NAGS: variants seen among roughly 807,000 people sequenced by gnomAD.
The protein encoded by NAGS is N-acetylglutamate synthase, mitochondrial.
A neutral mutation model predicts 46.9 loss-of-function variants in NAGS; 34 were observed. That is an observed-to-expected ratio of 0.72 (90% CI 0.55 to 0.97). The LOEUF (loss-of-function observed/expected upper bound fraction) is 0.97. Among genes scored for constraint, NAGS ranks in the 50% least tolerant of loss-of-function variants. NAGS has a pLI of 0.00. For synonymous variants in NAGS, 334 were observed against 346.3 expected, an observed-to-expected ratio of 0.96 and a Z score of 0.39; for missense variants, 665 against 747.0, an observed-to-expected ratio of 0.89 and a Z score of 1.28.
In NAGS at chr17:44,006,111, G is replaced by T; in HGVS notation, c.789G>T (p.Glu263Asp). ...TCCCCATCCTGTGCCCCATCGGGGA[G>T]ACGGCCGCGCGCCGCTCCGTGCTTC... ...GSIPILCPIG[E>D]TAARRSVLLD... The change falls in exon 3 of 7, where the codon GAG becomes GAT. Residue 263 changes from glutamate to aspartate, a missense_variant. Glu to Asp is a conservative substitution (Grantham distance 45, BLOSUM62 2). Coordinates refer to ENST00000293404, the MANE Select transcript of NAGS (RefSeq NM_153006.3). The surrounding 1 kb of genome is among the most constrained non-coding windows in gnomAD (Gnocchi z 4.8). 1 of 1,613,030 alleles carries T rather than the reference G, an allele frequency of 6.2e-7. No individual in the cohort carries two copies. The highest frequency in any genetic ancestry group is 8.5e-7 in the Non-Finnish European group (1 of 1,179,870).
rs2049111086 is a variant in NAGS at position 44,007,574 on chromosome 17, C to T, written c.1269-17C>T. On this transcript the variant is annotated splice_polypyrimidine_tract_variant and intron_variant, in intron 5 of 6. Coordinates refer to ENST00000293404, the MANE Select transcript of NAGS (RefSeq NM_153006.3). The surrounding 1 kb of genome is among the most constrained non-coding windows in gnomAD (Gnocchi z 5.1). ...ACCAAGGAGAGGTCCCAGCCTGCCGCTCTCCCGCTGCGCCAGGTACAACGC... is the reference window on the plus strand; with the variant it reads ...ACCAAGGAGAGGTCCCAGCCTGCCGTTCTCCCGCTGCGCCAGGTACAACGC... 5 of 1,611,562 alleles carry T rather than the reference C, an allele frequency of 3.1e-6. No homozygotes were observed. The highest frequency in any genetic ancestry group is 4.2e-6 in the Non-Finnish European group (5 of 1,179,104).
At position 44,007,887 on chromosome 17, in the gene NAGS, C is replaced by G; in HGVS notation, c.1451+114C>G. ...CCTCTTCTTCCACTGGTCTCCCTTT[C>G]ACTACCTCCCAGGGGCAGAACACAC... On this transcript the variant is annotated intron_variant, in intron 6 of 6. Coordinates refer to ENST00000293404, the MANE Select transcript of NAGS (RefSeq NM_153006.3). This position sits in a 1 kb window ranked among gnomAD's most constrained non-coding sequence, Gnocchi z 5.1. 1.1e-5 allele frequency: 12 copies of G among 1,075,584 alleles called. No individual in the cohort carries two copies. The highest frequency in any genetic ancestry group is 1.5e-5 in the Non-Finnish European group (11 of 718,630). The allele number at this position is 1,075,584 out of a possible 1,614,324, so 66.6% of individuals were successfully genotyped here.
chr17:44,005,290 C>T lies in NAGS; in HGVS notation c.426+201C>T, dbSNP rs560383678. On this transcript the variant is annotated intron_variant, in intron 1 of 6. Coordinates refer to ENST00000293404, the MANE Select transcript of NAGS (RefSeq NM_153006.3). The surrounding 1 kb of genome is among the most constrained non-coding windows in gnomAD (Gnocchi z 7.2). ...CCTCCCGCCCAGCCCGAGTGAGGAT[C>T]CTGGGGGACCCCACCCGCCAGGTGT... 6.6e-6 allele frequency among the ~76,000 whole-genome samples: 1 copy of T among 152,208 alleles called. No individual in the cohort carries two copies. Among genetic ancestry groups the T allele is most frequent in the African/African-American group, 2.4e-5 (1 of 41,458 alleles).
Position 44,006,911 on chromosome 17 carries a change from T to G in NAGS, c.1096+202T>G. 2.5e-6 allele frequency: 1 copy of G among 398,608 alleles called. No homozygotes were observed. Among genetic ancestry groups the G allele is most frequent in the Non-Finnish European group, 4.4e-6 (1 of 228,184 alleles). The allele number at this position is 398,608 out of a possible 1,614,324, so 24.7% of individuals were successfully genotyped here. ...GAGACCCAGTGTACTGGAAGGGAAC[T>G]CCGAAGGAATTAAAGGAATGGGCGG... On this transcript the variant is annotated intron_variant, in intron 4 of 6. Transcript: ENST00000293404. The surrounding 1 kb of genome is among the most constrained non-coding windows in gnomAD (Gnocchi z 4.8).
Position 44,007,800 on chromosome 17 carries a change from G to T in NAGS, c.1451+27G>T. The T allele has an allele frequency of 6.4e-7, 1 of 1,566,870 alleles. No homozygotes were observed. The highest frequency in any genetic ancestry group is 8.7e-7 in the Non-Finnish European group (1 of 1,154,312). ...TAGGTCCTGCCACTCCCAGCTCTGGGCTGGGCCCTGACTTCCCTCCCCTCT... is the reference window on the plus strand; with the variant it reads ...TAGGTCCTGCCACTCCCAGCTCTGGTCTGGGCCCTGACTTCCCTCCCCTCT... On this transcript the variant is annotated intron_variant, in intron 6 of 6. Coordinates refer to ENST00000293404, the MANE Select transcript of NAGS (RefSeq NM_153006.3). The surrounding 1 kb of genome is among the most constrained non-coding windows in gnomAD (Gnocchi z 5.1).
rs368485499 is a variant in NAGS at position 44,007,285 on chromosome 17, C to T, written c.1097-38C>T. 1.2e-4 allele frequency: 199 copies of T among 1,607,538 alleles called. No homozygotes were observed. Among genetic ancestry groups the T allele is most frequent in the Admixed American group, 7.4e-4 (44 of 59,172 alleles). On this transcript the variant is annotated intron_variant, in intron 4 of 6. Coordinates refer to ENST00000293404, the MANE Select transcript of NAGS (RefSeq NM_153006.3). This position sits in a 1 kb window ranked among gnomAD's most constrained non-coding sequence, Gnocchi z 5.1. The stretch of plus-strand genomic sequence containing the variant: ...AGTCCCCACCAGGCTGCGCAAACGG[C>T]CCTCCAGCCAGACTAGCCCCTCCCC...
Position 44,008,751 on chromosome 17 carries a change from AGAG to A in NAGS, c.*155_*157del. The stretch of plus-strand genomic sequence containing the variant: ...GGAGAAAGCAGCCCCAGCTCTGCCC[AGAG>A]GAGGCGCTGAAGTGGGACAAGCACA... On this transcript the variant is annotated 3_prime_UTR_variant, in exon 7 of 7. Transcript: ENST00000293404. 9.6e-7 allele frequency: 1 copy of A among 1,045,080 alleles called. No homozygotes were observed. The highest frequency in any genetic ancestry group is 1.4e-6 in the Non-Finnish European group (1 of 690,172). 64.7% of individuals were successfully genotyped at this position (1,045,080 alleles called of 1,614,324 possible). A position where few individuals can be genotyped will look rare whatever the true frequency, so the allele number is the denominator to read the frequency against.
chr17:44,008,502 G>T lies in NAGS; in HGVS notation c.1506G>T (p.Trp502Cys). Residue 502 changes from tryptophan to cysteine, a missense_variant, in exon 7 of 7, where the codon TGG (tryptophan) becomes TGT (cysteine). Transcript: ENST00000293404. ...SFSNKQWIFF[W>C]FGLADIRDSY... ...CCAACAAGCAGTGGATCTTCTTCTG[G>T]TTTGGCCTGGCTGATATCCGGGACT... 6.2e-7 allele frequency: 1 copy of T among 1,614,224 alleles called. No individual in the cohort carries two copies.
chr17:44,006,351 A>C lies in NAGS; in HGVS notation c.915+114A>C. 6.8e-7 allele frequency: 1 copy of C among 1,475,530 alleles called. No individual in the cohort carries two copies. Among genetic ancestry groups the C allele is most frequent in the Non-Finnish European group, 9.3e-7 (1 of 1,080,034 alleles). 91.4% of individuals were successfully genotyped at this position (1,475,530 alleles called of 1,614,324 possible). On this transcript the variant is annotated intron_variant, in intron 3 of 6. Coordinates refer to ENST00000293404, the MANE Select transcript of NAGS (RefSeq NM_153006.3). This position sits in a 1 kb window ranked among gnomAD's most constrained non-coding sequence, Gnocchi z 4.8. The stretch of plus-strand genomic sequence containing the variant: ...CACTAGCAAGCCGGGTGGGTAGAAA[A>C]GCCTAAGGGAGTATAGGGGAGGAGT...
chr17:44,008,412 T>C (rs1358549626), intron 6 of NAGS, 36 bp from the exon 7 acceptor site: 13 of 1,613,568 alleles, frequency 8.1e-6, no homozygotes, highest in Non-Finnish European at 7.6e-6. Context: ...GGCCTTGCCC[T>C]AAAAACTGTT....
At position 44,007,810 on chromosome 17, in the gene NAGS, G is replaced by T. The variant is rs571298062; in HGVS notation, c.1451+37G>T. 7.1e-6 allele frequency: 11 copies of T among 1,558,968 alleles called. No homozygotes were observed. The highest frequency in any genetic ancestry group is 1.7e-4 in the Middle Eastern group (1 of 5,942). Reference sequence around the variant, plus strand: ...CACTCCCAGCTCTGGGCTGGGCCCTGACTTCCCTCCCCTCTCCCACCCTTG... The same window carrying T: ...CACTCCCAGCTCTGGGCTGGGCCCTTACTTCCCTCCCCTCTCCCACCCTTG... On this transcript the variant is annotated intron_variant, in intron 6 of 6. Coordinates refer to ENST00000293404, the MANE Select transcript of NAGS (RefSeq NM_153006.3). This position sits in a 1 kb window ranked among gnomAD's most constrained non-coding sequence, Gnocchi z 5.1.
Position 44,007,816 on chromosome 17 carries a change from C to T in NAGS, c.1451+43C>T. On this transcript the variant is annotated intron_variant, in intron 6 of 6. Transcript: ENST00000293404. The surrounding 1 kb of genome is among the most constrained non-coding windows in gnomAD (Gnocchi z 5.1). ...CAGCTCTGGGCTGGGCCCTGACTTC[C>T]CTCCCCTCTCCCACCCTTGCCAACC... 3.2e-6 allele frequency: 5 copies of T among 1,548,576 alleles called. No individual in the cohort carries two copies. The highest frequency in any genetic ancestry group is 4.4e-6 in the Non-Finnish European group (5 of 1,141,156).
In NAGS at chr17:44,006,901, G is replaced by C; in HGVS notation, c.1096+192G>C. On this transcript the variant is annotated intron_variant, in intron 4 of 6. Coordinates refer to ENST00000293404, the MANE Select transcript of NAGS (RefSeq NM_153006.3). The surrounding 1 kb of genome is among the most constrained non-coding windows in gnomAD (Gnocchi z 4.8). ...GAGAGAGGAGGAGACCCAGTGTACT[G>C]GAAGGGAACTCCGAAGGAATTAAAG... 1 of 614,994 alleles carries C rather than the reference G, an allele frequency of 1.6e-6. No homozygotes were observed. Among genetic ancestry groups the C allele is most frequent in the Non-Finnish European group, 2.8e-6 (1 of 361,670 alleles). 38.1% of individuals were successfully genotyped at this position (614,994 alleles called of 1,614,324 possible).
In NAGS at chr17:44,007,235, TC is replaced by T; in HGVS notation, c.1097-85del. The stretch of plus-strand genomic sequence containing the variant: ...GGAGGTCTCCCAAAGACGGAAATTG[TC>T]CCACCAGCGCCTGTCCTACCTGCAG... On this transcript the variant is annotated intron_variant, in intron 4 of 6. Coordinates refer to ENST00000293404, the MANE Select transcript of NAGS (RefSeq NM_153006.3). This position sits in a 1 kb window ranked among gnomAD's most constrained non-coding sequence, Gnocchi z 5.1. 1 of 1,288,098 alleles carries T rather than the reference TC, an allele frequency of 7.8e-7. No homozygotes were observed. The allele number at this position is 1,288,098 out of a possible 1,614,324, so 79.8% of individuals were successfully genotyped here.
chr17:44,005,930 C>T lies in NAGS; in HGVS notation c.701+19C>T, dbSNP rs1192994064. Reference sequence around the variant, plus strand: ...ATGCCAGGTGAGTGCCCGCCCTGCCCGCCCAGGCGTCCTCAGAGCGTGCTA... The same window carrying T: ...ATGCCAGGTGAGTGCCCGCCCTGCCTGCCCAGGCGTCCTCAGAGCGTGCTA... On this transcript the variant is annotated intron_variant, in intron 2 of 6. Coordinates refer to ENST00000293404, the MANE Select transcript of NAGS (RefSeq NM_153006.3). This position sits in a 1 kb window ranked among gnomAD's most constrained non-coding sequence, Gnocchi z 7.2. The T allele has an allele frequency of 1.3e-6, 2 of 1,547,978 alleles. No homozygotes were observed. The highest frequency in any genetic ancestry group is 3.4e-4 in the Middle Eastern group (2 of 5,864).
Position 44,007,383 on chromosome 17 carries a change from T to C in NAGS, c.1157T>C (p.Leu386Pro). The C allele has an allele frequency of 6.2e-7, 1 of 1,613,550 alleles. No individual in the cohort carries two copies. The highest frequency in any genetic ancestry group is 1.1e-5 in the South Asian group (1 of 91,062). Reference sequence around the variant, plus strand: ...CTACGGGTGCGCAGCCTGGACAAGCTGGACCAGGGCCGTCTAGTGGACCTG... The same window carrying C: ...CTACGGGTGCGCAGCCTGGACAAGCCGGACCAGGGCCGTCTAGTGGACCTG... ...RMLRVRSLDK[L>P]DQGRLVDLVN... The change falls in exon 5 of 7, where the codon CTG becomes CCG. Residue 386 changes from leucine to proline, a missense_variant. By Grantham distance (98) the Leu-to-Pro change is moderately conservative. Coordinates refer to ENST00000293404, the MANE Select transcript of NAGS (RefSeq NM_153006.3). This position sits in a 1 kb window ranked among gnomAD's most constrained non-coding sequence, Gnocchi z 5.1.
chr17:44,005,578 C>T lies in NAGS; in HGVS notation c.427-59C>T, dbSNP rs1008184908. On this transcript the variant is annotated intron_variant, in intron 1 of 6. Coordinates refer to ENST00000293404, the MANE Select transcript of NAGS (RefSeq NM_153006.3). The surrounding 1 kb of genome is among the most constrained non-coding windows in gnomAD (Gnocchi z 7.2). ...CACCGAGACGGCCCTGCAGGCCAGG[C>T]TGTGGGAGCCAGCGGCTCAGGTCCG... The T allele has an allele frequency of 7.6e-6, 12 of 1,583,164 alleles. No individual in the cohort carries two copies. Among genetic ancestry groups the T allele is most frequent in the South Asian group, 1.2e-5 (1 of 86,764 alleles).
In NAGS at chr17:44,007,246, C is replaced by G. The variant is rs573627420; in HGVS notation, c.1097-77C>G. On this transcript the variant is annotated intron_variant, in intron 4 of 6. Transcript: ENST00000293404. The surrounding 1 kb of genome is among the most constrained non-coding windows in gnomAD (Gnocchi z 5.1). ...AAAGACGGAAATTGTCCCACCAGCG[C>G]CTGTCCTACCTGCAGTCCCCACCAG... 7.0e-7 allele frequency: 1 copy of G among 1,423,098 alleles called. No individual in the cohort carries two copies. Among genetic ancestry groups the G allele is most frequent in the East Asian group, 2.4e-5 (1 of 41,990 alleles). The allele number at this position is 1,423,098 out of a possible 1,614,324, so 88.2% of individuals were successfully genotyped here.
chr17:44,007,362 G>A lies in NAGS; in HGVS notation c.1136G>A (p.Arg379Gln). Residue 379 changes from arginine to glutamine, a missense_variant, in exon 5 of 7, where the codon CGG (arginine) becomes CAG (glutamine). Physicochemically the swap from Arg to Gln is conservative, Grantham distance 43. Transcript: ENST00000293404. This position sits in a 1 kb window ranked among gnomAD's most constrained non-coding sequence, Gnocchi z 5.1. Reference sequence around the variant, plus strand: ...TTCAAGAACGCCGAGCGAATGCTACGGGTGCGCAGCCTGGACAAGCTGGAC... The same window carrying A: ...TTCAAGAACGCCGAGCGAATGCTACAGGTGCGCAGCCTGGACAAGCTGGAC... ...TLFKNAERML[R>Q]VRSLDKLDQG... is the part of the protein sequence containing the mutation. 1 of 1,613,890 alleles carries A rather than the reference G, an allele frequency of 6.2e-7. No individual in the cohort carries two copies. Among genetic ancestry groups the A allele is most frequent in the South Asian group, 1.1e-5 (1 of 91,068 alleles).
Sources: allele counts gnomAD v4.1 joint callset (sites outside exome capture counted in the v4.1 genomes callset), GRCh38; gene constraint gnomAD v4.1.1; non-coding constraint Gnocchi (gnomAD v3.1); transcripts MANE v1.5; gene names NCBI Gene and HGNC (gene_info 2026-07-23, HGNC 2026-07-21).